PDE3A: variants seen among roughly 807,000 people sequenced by gnomAD.
The protein encoded by PDE3A is cGMP-inhibited 3',5'-cyclic phosphodiesterase 3A.
In PDE3A, 43 loss-of-function variants were observed where a neutral mutation model predicts 98.3. The observed-to-expected ratio is 0.44, with a 90% CI of 0.34 to 0.56. The LOEUF (loss-of-function observed/expected upper bound fraction) is 0.56. Among genes scored for constraint, PDE3A ranks in the 20% least tolerant of loss-of-function variants. The pLI is 0.01. For missense variants in PDE3A, 1,427 were observed against 1,440.7 expected, an observed-to-expected ratio of 0.99 and a Z score of 0.15; for synonymous variants, 663 against 567.9, an observed-to-expected ratio of 1.17 and a Z score of -2.38.
At chr12:20,506,085 G>C (rs1276435325) in intron 1 of PDE3A, among the ~76,000 whole-genome samples, 1 of 136,826 alleles carries the variant, frequency 7.3e-6, no homozygotes, top group Non-Finnish European at 1.5e-5. Flanking sequence ...GGAGCTATGG[G>C]AACTCTAAAG....
intron 1 of PDE3A, chr12:20,449,804 G>A (rs985905874): frequency 9.4e-6 from 5 of 529,840 alleles, no homozygotes; most frequent in African/African-American, 7.8e-5. Context: ...GTCAGTTTTG[G>A]TTGCTGGCTT....
chr12:20,607,226 C>A (rs1565447025), intron 2 of PDE3A, among the ~76,000 whole-genome samples: 1 of 152,004 alleles, frequency 6.6e-6, no homozygotes. Context: ...ATTGCTTGAA[C>A]CCAGGAGTTC....
At chr12:20,598,989 T>C (rs560531256) in intron 2 of PDE3A, among the ~76,000 whole-genome samples, 2 of 152,352 alleles carry the variant, frequency 1.3e-5, no homozygotes, top group African/African-American at 2.4e-5. Flanking sequence ...TTGTCAGCCA[T>C]CTTTCGTCAT....
intron 1 of PDE3A, among the ~76,000 whole-genome samples, chr12:20,411,201 T>C (rs1241379125): frequency 6.6e-6 from 1 of 152,202 alleles, no homozygotes. Flanking sequence ...TGGTAATAAG[T>C]TAATTCACAT....
Position 20,370,391 on chromosome 12 carries a change from T to G in PDE3A, c.960+147T>G, listed in dbSNP as rs1943447591. On this transcript the variant is annotated intron_variant, in intron 1 of 15. Transcript: ENST00000359062. ...CTTCAGAATTAAGAAACTAGCAGGT[T>G]TTTTTTTTGTTTTTTTTGTTTTTTT... 3 of 497,568 alleles carry G rather than the reference T, an allele frequency of 6.0e-6. No individual in the cohort carries two copies. The East Asian group carries it at 1.0e-4, about 17-fold the overall frequency. The allele number at this position is 497,568 out of a possible 1,614,324, so 30.8% of individuals were successfully genotyped here.
At chr12:20,521,087 T>C (rs962155542) in intron 1 of PDE3A, among the ~76,000 whole-genome samples, 4 of 152,104 alleles carry the variant, frequency 2.6e-5, no homozygotes, top group African/African-American at 9.7e-5. Flanking sequence ...GTATACCTTT[T>C]CCTTCAAATA....
chr12:20,587,063 T>A (rs905207317), intron 2 of PDE3A, among the ~76,000 whole-genome samples: 10 of 152,120 alleles, frequency 6.6e-5, no homozygotes, highest in Non-Finnish European at 1.5e-4. Context: ...CAGTAGGCAA[T>A]AAATAACTTA....
intron 2 of PDE3A, among the ~76,000 whole-genome samples, chr12:20,558,828 G>C (rs1467934252): frequency 2.0e-5 from 3 of 152,062 alleles, no homozygotes; most frequent in African/African-American, 7.2e-5. Flanking sequence ...CTTCAGACAA[G>C]TTGCACTTGA....
intron 2 of PDE3A, among the ~76,000 whole-genome samples, chr12:20,567,621 C>A (rs980480399): frequency 6.6e-6 from 1 of 151,936 alleles, no homozygotes; most frequent in Non-Finnish European, 1.5e-5. Flanking sequence ...CTCCCCCCCA[C>A]TTCCTCCCTT....
intron 1 of PDE3A, chr12:20,551,520 C>T (rs1270486443): frequency 1.8e-5 from 20 of 1,104,882 alleles, no homozygotes; most frequent in Non-Finnish European, 2.5e-5. Flanking sequence ...TGGTTAATTC[C>T]GATAACGAAC....
At chr12:20,557,176 T>C (rs1942390041) in intron 2 of PDE3A, 1 of 158,660 alleles carries the variant, frequency 6.3e-6, no homozygotes, top group South Asian at 1.9e-4. Flanking sequence ...AAAGGACCTA[T>C]TATTTTTGAA....
At chr12:20,679,311 T>C (rs1388534623) in intron 15 of PDE3A, among the ~76,000 whole-genome samples, 2 of 152,146 alleles carry the variant, frequency 1.3e-5, no homozygotes, top group Admixed American at 1.3e-4. Context: ...GCAGTGGCTC[T>C]ATCTCAGCTC....
At chr12:20,530,364 G>A (rs944065242) in intron 1 of PDE3A, among the ~76,000 whole-genome samples, 4 of 152,100 alleles carry the variant, frequency 2.6e-5, no homozygotes, top group Non-Finnish European at 4.4e-5. Context: ...ACTCCAGATA[G>A]TAGAAATAAG....
chr12:20,509,517 T>C (rs756523968), intron 1 of PDE3A, among the ~76,000 whole-genome samples: 11 of 152,092 alleles, frequency 7.2e-5, no homozygotes, highest in Non-Finnish European at 1.3e-4. Context: ...TATACCTTAA[T>C]TTTTAAAGTT....
Position 20,667,938 on chromosome 12 carries a change from G to A in PDE3A, c.3185-12092G>A, listed in dbSNP as rs190384242. Among the ~76,000 whole-genome samples the A allele has an allele frequency of 3.0e-3, 460 of 152,272 alleles. 5 individuals carry two copies. Among genetic ancestry groups the A allele is most frequent in the African/African-American group, 0.01 (420 of 41,566 alleles). Reference sequence around the variant, plus strand: ...TTTCTGCATTTCCATCTGAGGTACCGGGTTCATCTCTCTAGGGAGTGCGAG... The same window carrying A: ...TTTCTGCATTTCCATCTGAGGTACCAGGTTCATCTCTCTAGGGAGTGCGAG... On this transcript the variant is annotated intron_variant, in intron 15 of 15. Transcript: ENST00000359062.
chr12:20,442,340 A>G (rs1431382548), intron 1 of PDE3A, among the ~76,000 whole-genome samples: 1 of 152,214 alleles, frequency 6.6e-6, no homozygotes, highest in African/African-American at 2.4e-5. Context: ...ACAACAAAAA[A>G]GATTTCCCTC....
chr12:20,372,492 G>A (rs564745908), intron 1 of PDE3A, among the ~76,000 whole-genome samples: 133 of 152,146 alleles, frequency 8.7e-4, no homozygotes, highest in Non-Finnish European at 1.6e-3. Flanking sequence ...TGGGGAGTGG[G>A]TGGAAACTAA....
At chr12:20,505,166 A>G (rs1946093855) in intron 1 of PDE3A, among the ~76,000 whole-genome samples, 1 of 152,080 alleles carries the variant, frequency 6.6e-6, no homozygotes. Context: ...CTATAGTCCT[A>G]TATTTATGGC....
At chr12:20,626,817 G>A (rs1259449530) in intron 5 of PDE3A, among the ~76,000 whole-genome samples, 1 of 152,138 alleles carries the variant, frequency 6.6e-6, no homozygotes, top group East Asian at 1.9e-4. Context: ...TTTTAAAAGT[G>A]TTCAAAATAT....
Sources: allele counts gnomAD v4.1 joint callset (sites outside exome capture counted in the v4.1 genomes callset), GRCh38; gene constraint gnomAD v4.1.1; transcripts MANE v1.5; gene names NCBI Gene and HGNC (gene_info 2026-07-23, HGNC 2026-07-21).